Variants in PCDH15 observed in about 807,000 individuals in gnomAD.
PCDH15 encodes protocadherin related 15.
In PCDH15, 129 loss-of-function variants were observed where a neutral mutation model predicts 178.5. The observed-to-expected ratio is 0.72, with a 90% CI of 0.63 to 0.84. The LOEUF is 0.84. Ranked by LOEUF, PCDH15 falls within the 40% of genes least tolerant of loss-of-function variation. The probability of loss-of-function intolerance (pLI) is 0.00; values close to 1 mark genes in which losing one functional copy is unlikely to be tolerated. For synonymous variants in PCDH15, 800 were observed against 732.0 expected (o/e 1.09, Z -1.50); for missense variants, 2,230 against 2,099.9 (o/e 1.06, Z -1.21).
chr10:54,101,582 C>T (rs1296068820), intron 15 of PCDH15, among the ~76,000 whole-genome samples: 1 of 152,126 alleles, frequency 6.6e-6, no homozygotes, highest in Non-Finnish European at 1.5e-5. Context: ...TTGGAGCATA[C>T]AGCAGAGACA....
chr10:55,512,159 T>C (rs1030684104), intron 2 of PCDH15, among the ~76,000 whole-genome samples: 2 of 152,064 alleles, frequency 1.3e-5, no homozygotes, highest in East Asian at 3.9e-4. Flanking sequence ...TAAATCAAAA[T>C]GGTGTTTATG....
At chr10:55,155,100 G>A (rs1838848279) in intron 2 of PCDH15, among the ~76,000 whole-genome samples, 1 of 151,960 alleles carries the variant, frequency 6.6e-6, no homozygotes, top group Non-Finnish European at 1.5e-5. Context: ...TAATAGTATA[G>A]ATACCACATT....
chr10:55,404,761 C>T (rs1838157985), intron 2 of PCDH15, among the ~76,000 whole-genome samples: 1 of 151,502 alleles, frequency 6.6e-6, no homozygotes, highest in Admixed American at 6.6e-5. Flanking sequence ...TATTTTAATA[C>T]AAGAAGAATT....
chr10:55,405,718 A>T (rs1838182897), intron 2 of PCDH15, among the ~76,000 whole-genome samples: 1 of 152,020 alleles, frequency 6.6e-6, no homozygotes, highest in Non-Finnish European at 1.5e-5. Flanking sequence ...TTGTACATCT[A>T]CCATAAAAGT....
chr10:53,827,068 AC>A (rs2076727983), intron 32 of PCDH15, among the ~76,000 whole-genome samples: 1 of 151,706 alleles, frequency 6.6e-6, no homozygotes, highest in Non-Finnish European at 1.5e-5. Flanking sequence ...ATACATATAT[AC>A]ATATACATTA....
At chr10:54,905,387 T>C (rs893570810) in intron 2 of PCDH15, among the ~76,000 whole-genome samples, 3 of 152,148 alleles carry the variant, frequency 2.0e-5, no homozygotes, top group Non-Finnish European at 4.4e-5. Context: ...GCATAGCCAA[T>C]GAATTTGTTT....
chr10:53,860,894 G>A (rs1349892190), intron 27 of PCDH15, among the ~76,000 whole-genome samples: 1 of 151,634 alleles, frequency 6.6e-6, no homozygotes, highest in Non-Finnish European at 1.5e-5. Flanking sequence ...TTATTTTAAG[G>A]ATATAAAAAT....
At chr10:54,755,668 TAATC>T (rs1392536784) in intron 1 of PCDH15, among the ~76,000 whole-genome samples, 1 of 152,036 alleles carries the variant, frequency 6.6e-6, no homozygotes, top group African/African-American at 2.4e-5. Context: ...AATTATGAAT[TAATC>T]TAATCATGCT....
At chr10:55,218,253 A>G (rs1378030372) in intron 1 of PCDH15, among the ~76,000 whole-genome samples, 1 of 152,048 alleles carries the variant, frequency 6.6e-6, no homozygotes, top group Non-Finnish European at 1.5e-5. Flanking sequence ...CAAACTCCAA[A>G]GGCCACTTCT....
intron 3 of PCDH15, among the ~76,000 whole-genome samples, chr10:54,856,104 T>C (rs1344807044): frequency 6.6e-6 from 1 of 152,202 alleles, no homozygotes; most frequent in Non-Finnish European, 1.5e-5. Flanking sequence ...AATAGTATGA[T>C]TGTAAGAAAT....
intron 3 of PCDH15, among the ~76,000 whole-genome samples, chr10:54,877,936 CTCTTTTTTTTTTTTT>C (rs1954178082): frequency 7.7e-5 from 8 of 104,342 alleles, no homozygotes; most frequent in South Asian, 2.9e-4. Flanking sequence ...CTCTCTCTCT[CTCTTTTTTTTTTTTT>C]TTTTTTTTTT....
At chr10:54,019,796 G>A (rs1264497606) in intron 20 of PCDH15, among the ~76,000 whole-genome samples, 1 of 151,790 alleles carries the variant, frequency 6.6e-6, no homozygotes, top group Non-Finnish European at 1.5e-5. Context: ...TTAATTTTAG[G>A]GCCTAAGAAC....
intron 3 of PCDH15, among the ~76,000 whole-genome samples, chr10:54,864,154 A>C (rs562109464): frequency 6.6e-6 from 1 of 152,268 alleles, no homozygotes; most frequent in South Asian, 2.1e-4. Flanking sequence ...TGATATTTTC[A>C]TACACTTGAC....
At chr10:55,222,015 C>T (rs1173487361) in intron 1 of PCDH15, among the ~76,000 whole-genome samples, 3 of 150,716 alleles carry the variant, frequency 2.0e-5, no homozygotes, top group South Asian at 2.1e-4. Flanking sequence ...TACAGGCACC[C>T]GCCACCACAC....
chr10:55,267,032 C>G (rs1332814881), intron 1 of PCDH15, among the ~76,000 whole-genome samples: 1 of 152,018 alleles, frequency 6.6e-6, no homozygotes, highest in Non-Finnish European at 1.5e-5. Context: ...ACCACAGATG[C>G]AAGCTGCACT....
At chr10:54,171,484 A>T (rs1400337603) in intron 13 of PCDH15, among the ~76,000 whole-genome samples, 1 of 151,790 alleles carries the variant, frequency 6.6e-6, no homozygotes. Flanking sequence ...CCCCCAAAAA[A>T]CTTGTCATCC....
chr10:55,056,641 T>A (rs1444835840), intron 2 of PCDH15, among the ~76,000 whole-genome samples: 6 of 145,820 alleles, frequency 4.1e-5, no homozygotes, highest in Admixed American at 1.4e-4. Context: ...ATTATTATTA[T>A]TAATATTTTG....
rs183821667 is a variant in PCDH15 at position 54,041,545 on chromosome 10, A to G, written c.2221-18348T>C. ...AGTGATAAACCTAAGTAATAAAGTA[A>G]ATATGCATTGCATAATAAGAGCATA... On this transcript the variant is annotated intron_variant, in intron 18 of 37. Coordinates refer to ENST00000644397, the MANE Select transcript of PCDH15 (RefSeq NM_001384140.1). Among the ~76,000 whole-genome samples the G allele has an allele frequency of 1.5e-3, 231 of 152,262 alleles. 1 individual carries two copies. The highest frequency in any genetic ancestry group is 2.7e-3 in the Non-Finnish European group (185 of 67,996).
upstream of PCDH15, among the ~76,000 whole-genome samples, chr10:54,803,017 A>G (rs1247385461): frequency 6.6e-6 from 1 of 152,192 alleles, no homozygotes; most frequent in Non-Finnish European, 1.5e-5. Flanking sequence ...GTGAAAATGC[A>G]ATATTTACTT....
Sources: allele counts gnomAD v4.1 joint callset (sites outside exome capture counted in the v4.1 genomes callset), GRCh38; gene constraint gnomAD v4.1.1; transcripts MANE v1.5; gene names NCBI Gene and HGNC (gene_info 2026-07-23, HGNC 2026-07-21).